MYO3A: variants seen among roughly 807,000 people sequenced by gnomAD.
MYO3A encodes the protein myosin IIIA, also known as myosin-IIIa.
In MYO3A, 180 loss-of-function variants were observed where a neutral mutation model predicts 192.7. The ratio of observed to expected loss-of-function variants is 0.93; its 90% CI spans 0.83 to 1.06. The LOEUF (loss-of-function observed/expected upper bound fraction) is 1.06. Among genes scored for constraint, MYO3A ranks in the 50% least tolerant of loss-of-function variants. MYO3A has a pLI of 0.00. For missense variants in MYO3A, 1,896 were observed against 1,905.0 expected, an observed-to-expected ratio of 1.00 and a Z score of 0.09; for synonymous variants, 628 against 645.3, an observed-to-expected ratio of 0.97 and a Z score of 0.41.
chr10:25,954,831 A>T, intron 3 of MYO3A, 43 bp from the exon 4 acceptor site: 1 of 1,588,646 alleles, frequency 6.3e-7, no homozygotes, highest in Non-Finnish European at 8.6e-7. Flanking sequence ...GACATTACTC[A>T]TGGTTTTCTC....
intron 8 of MYO3A, chr10:26,022,148 A>G (rs1842339360): frequency 6.6e-6 from 1 of 152,546 alleles, no homozygotes; most frequent in Admixed American, 6.5e-5. Flanking sequence ...AAAACAATAA[A>G]TTTAGAAGAA....
chr10:26,104,836 T>A (rs989286858), intron 17 of MYO3A, among the ~76,000 whole-genome samples: 1 of 151,010 alleles, frequency 6.6e-6, no homozygotes, highest in Non-Finnish European at 1.5e-5. Flanking sequence ...TCCATATTTA[T>A]TTACCTAGTC....
intron 10 of MYO3A, among the ~76,000 whole-genome samples, chr10:26,038,334 A>G (rs914049803): frequency 3.9e-5 from 6 of 152,200 alleles, no homozygotes; most frequent in African/African-American, 1.4e-4. Context: ...CTAATCCATA[A>G]ACATGGAATA....
chr10:26,092,484 A>T (rs1836763646), intron 15 of MYO3A, among the ~76,000 whole-genome samples: 1 of 143,986 alleles, frequency 6.9e-6, no homozygotes, highest in Non-Finnish European at 1.6e-5. Context: ...AAGAATGCAA[A>T]CCTTCATTAT....
At chr10:26,047,103 A>G (rs1045012916) in intron 10 of MYO3A, among the ~76,000 whole-genome samples, 2 of 152,236 alleles carry the variant, frequency 1.3e-5, no homozygotes, top group African/African-American at 4.8e-5. Flanking sequence ...ACTTGTTTCA[A>G]AAATATTTGT....
intron 17 of MYO3A, among the ~76,000 whole-genome samples, chr10:26,097,461 T>G (rs920573768): frequency 6.6e-6 from 1 of 152,144 alleles, no homozygotes; most frequent in Non-Finnish European, 1.5e-5. Context: ...TATGTATACA[T>G]GTGCCATGTT....
At chr10:26,146,373 G>A (rs953516969) in intron 22 of MYO3A, among the ~76,000 whole-genome samples, 2 of 152,208 alleles carry the variant, frequency 1.3e-5, no homozygotes, top group Admixed American at 6.5e-5. Flanking sequence ...CAATCTATTA[G>A]TCTGCTCGGG....
chr10:26,121,936 T>C (rs1253690602), intron 18 of MYO3A, among the ~76,000 whole-genome samples: 2 of 152,214 alleles, frequency 1.3e-5, no homozygotes, highest in Non-Finnish European at 2.9e-5. Context: ...CTGGAGCCAA[T>C]GTGATAATAC....
At chr10:26,060,020 G>A (rs1834358752) in intron 10 of MYO3A, among the ~76,000 whole-genome samples, 2 of 152,326 alleles carry the variant, frequency 1.3e-5, no homozygotes, top group Middle Eastern at 3.4e-3. Flanking sequence ...CACTTTGGGA[G>A]GCCAAGGCGG....
At chr10:26,107,165 G>A (rs1359493751) in intron 17 of MYO3A, among the ~76,000 whole-genome samples, 1 of 151,994 alleles carries the variant, frequency 6.6e-6, no homozygotes, top group Non-Finnish European at 1.5e-5. Context: ...GAAGACTGGG[G>A]ACAATGTCTT....
chr10:26,129,517 A>C (rs1377440023), intron 20 of MYO3A, among the ~76,000 whole-genome samples: 1 of 152,170 alleles, frequency 6.6e-6, no homozygotes, highest in South Asian at 2.1e-4. Context: ...AGAATAAAAA[A>C]CAAAGCCCTT....
intron 2 of MYO3A, among the ~76,000 whole-genome samples, chr10:25,949,179 A>C (rs1352066125): frequency 6.6e-6 from 1 of 152,106 alleles, no homozygotes; most frequent in South Asian, 2.1e-4. Flanking sequence ...TAATCTATCC[A>C]TGAGTTTTCT....
intron 31 of MYO3A, among the ~76,000 whole-genome samples, chr10:26,185,564 T>A (rs1172889375): frequency 6.6e-6 from 1 of 152,038 alleles, no homozygotes; most frequent in Admixed American, 6.5e-5. Flanking sequence ...GGTCTCGAAC[T>A]CCTGGCCTCA....
At position 25,937,217 on chromosome 10, in the gene MYO3A, GT is replaced by G. The variant is rs1369707933; in HGVS notation, c.-18+1389del. Among the ~76,000 whole-genome samples, 6 of 152,330 alleles carry G rather than the reference GT, an allele frequency of 3.9e-5. No homozygotes were observed. In the East Asian group the frequency reaches 1.2e-3, roughly 29 times the overall value. ...CTGCTCATGGCAGAAGCCAGGATGA[GT>G]TGCCCACTTTGGGTGGGGTATACAT... On this transcript the variant is annotated intron_variant, in intron 2 of 34. Transcript: ENST00000642920.
intron 10 of MYO3A, among the ~76,000 whole-genome samples, chr10:26,026,943 G>A (rs1416172796): frequency 1.3e-5 from 2 of 152,024 alleles, no homozygotes; most frequent in African/African-American, 2.4e-5. Context: ...CTTGTGATCC[G>A]CCCACCTCGG....
chr10:25,952,860 A>C (rs569147846), intron 3 of MYO3A, among the ~76,000 whole-genome samples: 1 of 148,984 alleles, frequency 6.7e-6, no homozygotes, highest in Non-Finnish European at 1.5e-5. Flanking sequence ...GGAGGCCACA[A>C]TGGGGGCCCC....
chr10:26,183,555 TAAAAC>T (rs1051451584), intron 31 of MYO3A, among the ~76,000 whole-genome samples: 1 of 151,802 alleles, frequency 6.6e-6, no homozygotes, highest in African/African-American at 2.4e-5. Flanking sequence ...AAAAAATAAA[TAAAAC>T]TAAAAGTCGT....
intron 18 of MYO3A, among the ~76,000 whole-genome samples, chr10:26,124,733 C>T (rs961229842): frequency 5.9e-5 from 9 of 152,124 alleles, no homozygotes; most frequent in Non-Finnish European, 1.0e-4. Flanking sequence ...GTTTTGTTCA[C>T]GGAATTAAAG....
At chr10:26,102,675 C>T (rs186512468) in intron 17 of MYO3A, among the ~76,000 whole-genome samples, 178 of 152,316 alleles carry the variant, frequency 1.2e-3, no homozygotes, top group African/African-American at 3.2e-3. Flanking sequence ...CCTCCAGACC[C>T]TGTTTGTCTG....
Sources: gnomAD v4.1 joint callset for allele counts (sites outside exome capture counted in the v4.1 genomes callset) on GRCh38, gnomAD v4.1.1 for gene constraint, MANE v1.5 for transcripts, NCBI Gene and HGNC (gene_info 2026-07-23, HGNC 2026-07-21) for gene names.